RBBP8: variants seen among roughly 807,000 people sequenced by gnomAD.
RBBP8 encodes DNA endonuclease RBBP8.
RBBP8 carries 88 observed loss-of-function variants against 108.3 expected under a neutral mutation model. That is an observed-to-expected ratio of 0.81 (90% CI 0.68 to 0.97). The LOEUF (loss-of-function observed/expected upper bound fraction) is 0.97. RBBP8 is among the 50% of genes least tolerant of loss of function. The pLI is 0.00. For missense variants in RBBP8, 1,023 were observed against 1,049.0 expected (o/e 0.98, Z 0.34); for synonymous variants, 332 against 348.2 (o/e 0.95, Z 0.52).
Position 22,993,344 on chromosome 18 carries a change from G to A in RBBP8, c.1517G>A (p.Ser506Asn), listed in dbSNP as rs1466862484. 1 of 1,614,216 alleles carries A rather than the reference G, an allele frequency of 6.2e-7. No homozygotes were observed. Among genetic ancestry groups the A allele is most frequent in the South Asian group, 1.1e-5 (1 of 91,086 alleles). Residue 506 changes from serine (S) to asparagine (N), a missense_variant, in exon 11 of 19, where the codon AGC becomes AAC. Coordinates refer to ENST00000327155, the MANE Select transcript of RBBP8 (RefSeq NM_002894.3). ...TCAGCTATTCAGCGTCAAGAGAAAA[G>A]CCAAGGAAGTGAGACTTCTAAAAAC... ...RFSAIQRQEK[S>N]QGSETSKNKF... is the part of the protein sequence containing the mutation.
chr18:23,019,761 ATTT>A (rs35352558), intron 17 of RBBP8, among the ~76,000 whole-genome samples: 5 of 131,704 alleles, frequency 3.8e-5, no homozygotes, highest in Admixed American at 8.2e-5. Flanking sequence ...ACATTTTATA[ATTT>A]TTTTTTTTTT....
chr18:22,968,067 C>T (rs1913767844), intron 4 of RBBP8, among the ~76,000 whole-genome samples: 1 of 149,380 alleles, frequency 6.7e-6, no homozygotes, highest in Admixed American at 6.7e-5. Context: ...ACAATATTGA[C>T]AAAAAAAAAT....
intron 4 of RBBP8, among the ~76,000 whole-genome samples, chr18:22,955,859 T>G (rs181197976): frequency 6.6e-6 from 1 of 152,160 alleles, no homozygotes; most frequent in East Asian, 1.9e-4. Flanking sequence ...GGATTACAGG[T>G]GTGAGCCACC....
At chr18:22,979,949 C>A (rs1277599751) in intron 6 of RBBP8, among the ~76,000 whole-genome samples, 1 of 152,108 alleles carries the variant, frequency 6.6e-6, no homozygotes, top group African/African-American at 2.4e-5. Context: ...GCAATAGATA[C>A]AATAAATAAA....
chr18:22,930,598 T>C (rs1430359156), upstream of RBBP8, among the ~76,000 whole-genome samples: 1 of 152,152 alleles, frequency 6.6e-6, no homozygotes, highest in Non-Finnish European at 1.5e-5. Flanking sequence ...AAAGTGGCCA[T>C]ATAAAATCTC....
At chr18:23,004,220 A>T (rs1456256473) in intron 15 of RBBP8, among the ~76,000 whole-genome samples, 1 of 152,098 alleles carries the variant, frequency 6.6e-6, no homozygotes, top group Non-Finnish European at 1.5e-5. Context: ...ATACGGAATC[A>T]GCCTAAGTGT....
intron 14 of RBBP8, among the ~76,000 whole-genome samples, chr18:22,998,287 A>G (rs981896951): frequency 6.6e-6 from 1 of 152,246 alleles, no homozygotes; most frequent in Non-Finnish European, 1.5e-5. Context: ...ATAGTTTTAC[A>G]GGTTAACATT....
intron 10 of RBBP8, among the ~76,000 whole-genome samples, chr18:22,991,609 G>A (rs1269762949): frequency 6.6e-6 from 1 of 152,108 alleles, no homozygotes; most frequent in African/African-American, 2.4e-5. Flanking sequence ...GTAATTTCCA[G>A]ATTATTTATA....
In RBBP8 at chr18:22,982,239, A is replaced by G. The variant is rs1914978849; in HGVS notation, c.450A>G (p.Ala150=). The stretch of plus-strand genomic sequence containing the variant: ...CTAGGAATGATCAACAGCATCAAGC[A>G]GCTGAGCTTGAATGTGAGGAAGACG... ...QKIENDQQHQ[A]AELECEEDVI... Residue 150 remains alanine (A), a synonymous_variant, in exon 7 of 19, where the codon GCA becomes GCG. Transcript: ENST00000327155. 1.9e-6 allele frequency: 3 copies of G among 1,613,584 alleles called. No individual in the cohort carries two copies. Among genetic ancestry groups the G allele is most frequent in the Non-Finnish European group, 1.7e-6 (2 of 1,179,596 alleles).
intron 4 of RBBP8, among the ~76,000 whole-genome samples, chr18:22,967,141 C>T (rs753200745): frequency 5.3e-5 from 8 of 152,078 alleles, no homozygotes; most frequent in East Asian, 1.9e-4. Context: ...CGGAAGCAAG[C>T]GGATCACGAG....
At chr18:22,990,159 A>G (rs754006225) in intron 9 of RBBP8, among the ~76,000 whole-genome samples, 3 of 152,192 alleles carry the variant, frequency 2.0e-5, no homozygotes, top group Non-Finnish European at 4.4e-5. Context: ...GGCAAGTCAC[A>G]GCTTAGACAC....
intron 17 of RBBP8, among the ~76,000 whole-genome samples, chr18:23,021,596 T>C (rs1397384089): frequency 6.6e-6 from 1 of 152,236 alleles, no homozygotes; most frequent in African/African-American, 2.4e-5. Context: ...TGATCCTAAC[T>C]GAAATCTTAA....
At chr18:22,960,501 A>G (rs28751944) in intron 4 of RBBP8, among the ~76,000 whole-genome samples, 18 of 152,226 alleles carry the variant, frequency 1.2e-4, no homozygotes, top group African/African-American at 3.1e-4. Context: ...AGCAGTGATC[A>G]TGCCACTGCA....
intron 18 of RBBP8, among the ~76,000 whole-genome samples, chr18:23,022,607 TA>T (rs1273402353): frequency 2.1e-4 from 16 of 74,972 alleles, no homozygotes; most frequent in Non-Finnish European, 2.6e-4. Flanking sequence ...GTCTCAAAAA[TA>T]AAATAAAATA....
chr18:23,010,695 TTAGA>T (rs1196972395), intron 16 of RBBP8, among the ~76,000 whole-genome samples: 7 of 152,160 alleles, frequency 4.6e-5, no homozygotes, highest in Non-Finnish European at 5.9e-5. Flanking sequence ...TCTGAAGCAA[TTAGA>T]TAGCTGGAGA....
chr18:23,018,384 A>G (rs1284729401), intron 17 of RBBP8, among the ~76,000 whole-genome samples: 3 of 152,026 alleles, frequency 2.0e-5, no homozygotes, highest in African/African-American at 7.2e-5. Context: ...GATATAATGA[A>G]TAAATACTTA....
chr18:22,979,574 G>A (rs895602300), intron 6 of RBBP8, among the ~76,000 whole-genome samples: 2 of 152,160 alleles, frequency 1.3e-5, no homozygotes, highest in South Asian at 2.1e-4. Context: ...AAGTTGATAC[G>A]AGTCTAATAG....
chr18:23,000,030 TGTA>T (rs754085289), intron 14 of RBBP8, among the ~76,000 whole-genome samples: 1 of 152,182 alleles, frequency 6.6e-6, no homozygotes, highest in Non-Finnish European at 1.5e-5. Flanking sequence ...GCAAAAATTT[TGTA>T]GTAGGAAGTA....
intron 4 of RBBP8, among the ~76,000 whole-genome samples, chr18:22,968,217 C>T (rs921597978): frequency 4.6e-5 from 7 of 151,886 alleles, no homozygotes; most frequent in Admixed American, 2.0e-4. Flanking sequence ...GGACTACAAG[C>T]GAGCACCACC....
Sources: gnomAD v4.1 joint callset for allele counts (sites outside exome capture counted in the v4.1 genomes callset) on GRCh38, gnomAD v4.1.1 for gene constraint, MANE v1.5 for transcripts, NCBI Gene and HGNC (gene_info 2026-07-23, HGNC 2026-07-21) for gene names.